DACH1: variants seen among roughly 807,000 people sequenced by gnomAD.
The protein encoded by DACH1 is dachshund family transcription factor 1.
Under a neutral mutation model 54.2 loss-of-function variants are expected in DACH1, and 12 were observed. That is an observed-to-expected ratio of 0.22 (90% CI 0.14 to 0.36). The LOEUF (loss-of-function observed/expected upper bound fraction) is 0.36. Among genes scored for constraint, DACH1 ranks in the 10% least tolerant of loss-of-function variants. The pLI is 1.00. For missense variants in DACH1, 805 were observed against 929.8 expected (o/e 0.87, Z 1.75); for synonymous variants, 386 against 366.2 (o/e 1.05, Z -0.62).
chr13:71,513,907 A>C (rs574512182), intron 6 of DACH1, among the ~76,000 whole-genome samples: 120 of 152,030 alleles, frequency 7.9e-4, no homozygotes, highest in Non-Finnish European at 1.5e-3. Context: ...TGTCCTCCAC[A>C]GGGGCCATAT....
chr13:71,659,678 C>G (rs189270324), intron 2 of DACH1, among the ~76,000 whole-genome samples: 35 of 152,266 alleles, frequency 2.3e-4, no homozygotes, highest in Admixed American at 7.9e-4. Context: ...TCCTTTTAGG[C>G]TCCTCTGTTG....
chr13:71,548,214 GT>G (rs1189052155), intron 6 of DACH1, among the ~76,000 whole-genome samples: 6 of 152,088 alleles, frequency 3.9e-5, no homozygotes, highest in African/African-American at 1.4e-4. Context: ...AAAAAACTTT[GT>G]TTGTAGAAAA....
intron 1 of DACH1, among the ~76,000 whole-genome samples, chr13:71,760,212 C>T (rs1365353507): frequency 2.0e-5 from 3 of 152,104 alleles, no homozygotes; most frequent in African/African-American, 7.2e-5. Context: ...TGGATTTGCT[C>T]GTGGTGACAA....
chr13:71,855,948 T>C (rs997245625), intron 1 of DACH1, among the ~76,000 whole-genome samples: 2 of 151,958 alleles, frequency 1.3e-5, no homozygotes, highest in Admixed American at 6.6e-5. Flanking sequence ...TTATACTCCT[T>C]AAATCTAGGA....
chr13:71,470,224 T>G (rs1314145770), intron 10 of DACH1, among the ~76,000 whole-genome samples: 1 of 152,180 alleles, frequency 6.6e-6, no homozygotes, highest in Non-Finnish European at 1.5e-5. Context: ...GAAAATAAAG[T>G]TAAAAATGCA....
At chr13:71,698,262 A>G (rs1038688705) in intron 1 of DACH1, among the ~76,000 whole-genome samples, 17 of 152,134 alleles carry the variant, frequency 1.1e-4, no homozygotes, top group African/African-American at 3.9e-4. Flanking sequence ...ATATGAATAG[A>G]AAAATAATAC....
At chr13:71,591,529 GAAGT>G (rs1873710538) in intron 3 of DACH1, among the ~76,000 whole-genome samples, 1 of 152,236 alleles carries the variant, frequency 6.6e-6, no homozygotes, top group South Asian at 2.1e-4. Context: ...TGGCTTGAAA[GAAGT>G]CACTTAGATT....
chr13:71,773,211 C>A (rs1438943657), intron 1 of DACH1, among the ~76,000 whole-genome samples: 1 of 151,820 alleles, frequency 6.6e-6, no homozygotes, highest in African/African-American at 2.4e-5. Flanking sequence ...TACTACTGAA[C>A]TTTCCGCTAC....
At chr13:71,613,979 C>T (rs572398133) in intron 3 of DACH1, among the ~76,000 whole-genome samples, 28 of 152,242 alleles carry the variant, frequency 1.8e-4, no homozygotes, top group Middle Eastern at 3.4e-3. Context: ...TGAGCCACCA[C>T]GCCCAGCATC....
intron 1 of DACH1, among the ~76,000 whole-genome samples, chr13:71,837,462 A>T (rs1888838650): frequency 6.6e-6 from 1 of 152,096 alleles, no homozygotes; most frequent in African/African-American, 2.4e-5. Context: ...CCTGAGCTGG[A>T]AACTTGGGTA....
intron 1 of DACH1, among the ~76,000 whole-genome samples, chr13:71,828,045 G>A (rs1334576552): frequency 6.6e-6 from 1 of 151,986 alleles, no homozygotes; most frequent in Non-Finnish European, 1.5e-5. Flanking sequence ...CTGCACCAGA[G>A]CTATGTAAAT....
intron 3 of DACH1, among the ~76,000 whole-genome samples, chr13:71,619,887 T>C (rs1213264233): frequency 6.6e-6 from 1 of 151,954 alleles, no homozygotes; most frequent in Non-Finnish European, 1.5e-5. Flanking sequence ...TTTTGATACA[T>C]GTATTTTAAT....
chr13:71,600,783 A>G (rs1472298386), intron 3 of DACH1, among the ~76,000 whole-genome samples: 1 of 152,110 alleles, frequency 6.6e-6, no homozygotes, highest in Non-Finnish European at 1.5e-5. Context: ...TTAAAAAAGT[A>G]TATAAAGAGG....
intron 2 of DACH1, among the ~76,000 whole-genome samples, chr13:71,642,382 A>G (rs975231376): frequency 3.3e-5 from 5 of 152,200 alleles, no homozygotes; most frequent in Admixed American, 2.6e-4. Flanking sequence ...GACCTATGCT[A>G]TGTATACATC....
At chr13:71,798,880 A>G (rs1475838120) in intron 1 of DACH1, among the ~76,000 whole-genome samples, 2 of 152,118 alleles carry the variant, frequency 1.3e-5, no homozygotes, top group Non-Finnish European at 2.9e-5. Context: ...AGAAGGCCAT[A>G]GGACTTCAGA....
chr13:71,748,890 CTTTCTTTCTCTTTCTTTCTT>C (rs1210140777), intron 1 of DACH1, among the ~76,000 whole-genome samples: 896 of 87,744 alleles, frequency 0.01, 3 homozygotes, highest in South Asian at 0.033. Context: ...TTCTTTCTTT[CTTTCTTTCTCTTTCTTTCTT>C]TCTTTCTTTC....
At chr13:71,584,752 A>G (rs1429545276) in intron 3 of DACH1, among the ~76,000 whole-genome samples, 2 of 152,134 alleles carry the variant, frequency 1.3e-5, no homozygotes. Context: ...GATGAGAAAT[A>G]AGATGGCTTT....
rs1002836305 is a variant in DACH1, at chr13:71,613,896, G to A, written c.1126+16660C>T. Among the ~76,000 whole-genome samples, 3 of 152,050 alleles carry A rather than the reference G, an allele frequency of 2.0e-5. No homozygotes were observed. The South Asian group carries it at 6.2e-4, about 32-fold the overall frequency. On this transcript the variant is annotated intron_variant, in intron 3 of 10. Coordinates refer to ENST00000613252, the MANE Select transcript of DACH1 (RefSeq NM_080759.6). ...CCAGCTAATTTTTGTATTTTTTATA[G>A]AGATGGGATTTCACCATGTTGCCCA...
At chr13:71,717,869 A>G (rs910177917) in intron 1 of DACH1, among the ~76,000 whole-genome samples, 2 of 152,008 alleles carry the variant, frequency 1.3e-5, no homozygotes, top group Non-Finnish European at 1.5e-5. Context: ...ATATGGAATT[A>G]GTAGTCCAAA....
Sources: gnomAD v4.1 joint callset for allele counts (sites outside exome capture counted in the v4.1 genomes callset) on GRCh38, gnomAD v4.1.1 for gene constraint, MANE v1.5 for transcripts, NCBI Gene and HGNC (gene_info 2026-07-23, HGNC 2026-07-21) for gene names.